The following ABCG2 variants were observed in gnomAD, a reference collection of about 807,000 sequenced individuals.
ABCG2 encodes the protein ATP binding cassette subfamily G member 2 (JR blood group), also known as broad substrate specificity ATP-binding cassette transporter ABCG2.
A neutral mutation model predicts 73.5 loss-of-function variants in ABCG2; 80 were observed. The ratio of observed to expected loss-of-function variants is 1.09; its 90% CI spans 0.91 to 1.31. The LOEUF (loss-of-function observed/expected upper bound fraction) is 1.31. ABCG2 is among the 50% of genes most tolerant of loss of function. The pLI, the probability that ABCG2 is intolerant of heterozygous loss-of-function variation, is 0.00. For synonymous variants in ABCG2, 269 were observed against 282.4 expected (o/e 0.95, Z 0.48); for missense variants, 796 against 786.2 (o/e 1.01, Z -0.15).
chr4:88,150,052 C>T (rs531953667), intron 1 of ABCG2, among the ~76,000 whole-genome samples: 39 of 149,940 alleles, frequency 2.6e-4, no homozygotes, highest in Non-Finnish European at 5.4e-4. Context: ...TGGTGGCTCA[C>T]GCCTGTAATC....
chr4:88,157,660 C>T (rs949939939), intron 1 of ABCG2, among the ~76,000 whole-genome samples: 1 of 152,120 alleles, frequency 6.6e-6, no homozygotes, highest in African/African-American at 2.4e-5. Flanking sequence ...GTCGTTGAAA[C>T]CTTTCTCATC....
intron 9 of ABCG2, among the ~76,000 whole-genome samples, chr4:88,108,068 C>T (rs757575438): frequency 1.3e-5 from 2 of 152,194 alleles, no homozygotes; most frequent in Non-Finnish European, 2.9e-5. Context: ...CAATTGATTT[C>T]TATAGCTCCT....
upstream of ABCG2, among the ~76,000 whole-genome samples, chr4:88,162,481 T>C (rs1727357478): frequency 6.6e-6 from 1 of 152,176 alleles, no homozygotes; most frequent in South Asian, 2.1e-4. Context: ...GTTTCATATT[T>C]ATAGGTCGGT....
chr4:88,170,860 T>A (rs567303994), intron 1 of ABCG2, among the ~76,000 whole-genome samples: 56 of 152,254 alleles, frequency 3.7e-4, no homozygotes, highest in African/African-American at 1.3e-3. Context: ...AATTAGCAGA[T>A]GGGATAAAGA....
chr4:88,179,979 CTT>C (rs1216633550), intron 1 of ABCG2, among the ~76,000 whole-genome samples: 1 of 151,932 alleles, frequency 6.6e-6, no homozygotes, highest in African/African-American at 2.4e-5. Flanking sequence ...AGTTATTGGC[CTT>C]AAAGAGGAGG....
At chr4:88,099,287 TA>T in intron 12 of ABCG2, 36 bp downstream of exon 12, 1 of 1,536,092 alleles carries the variant, frequency 6.5e-7, no homozygotes, top group South Asian at 1.3e-5. Context: ...TAGGCAAGAC[TA>T]AAGACATGTC....
intron 1 of ABCG2, among the ~76,000 whole-genome samples, chr4:88,222,222 C>T (rs768495157): frequency 7.9e-5 from 12 of 152,198 alleles, no homozygotes; most frequent in African/African-American, 2.7e-4. Context: ...GTCTGGGAAC[C>T]TCCGCCTACA....
chr4:88,179,555 C>T (rs923295870), intron 1 of ABCG2, among the ~76,000 whole-genome samples: 14 of 152,136 alleles, frequency 9.2e-5, no homozygotes, highest in Non-Finnish European at 1.8e-4. Flanking sequence ...ACTAAATGAA[C>T]TAAATAAGTC....
chr4:88,166,350 C>G (rs552760537), intron 1 of ABCG2, among the ~76,000 whole-genome samples: 1 of 152,308 alleles, frequency 6.6e-6, no homozygotes, highest in South Asian at 2.1e-4. Flanking sequence ...TGTCTTTCCA[C>G]AAAAGTATAT....
In ABCG2 at chr4:88,187,093, CAAAAAAAAAAAAAAAAA is replaced by C. The variant is rs61116461; in HGVS notation, c.-20+43884_-20+43900del. ...TGGGAGATAGAGCAAGATTCTGTCT[CAAAAAAAAAAAAAAAAA>C]AAAAAAAAAAAAGGTGGTTACCAGA... On this transcript the variant is annotated intron_variant, in intron 1 of 15. Coordinates refer to the ABCG2 transcript ENST00000515655. 4.8e-3 allele frequency among the ~76,000 whole-genome samples: 215 copies of C among 45,216 alleles called. 4 individuals carry two copies. The highest frequency in any genetic ancestry group is 3.4e-3 in the Non-Finnish European group (95 of 27,642). 29.7% of individuals were successfully genotyped at this position (45,216 alleles called of 152,430 possible).
chr4:88,125,606 T>A (rs1724340800), intron 5 of ABCG2, among the ~76,000 whole-genome samples: 1 of 22,648 alleles, frequency 4.4e-5, no homozygotes, highest in Non-Finnish European at 7.7e-5. Flanking sequence ...AGACTCTGTC[T>A]CAAAAAAAAA....
chr4:88,113,342 G>C lies in ABCG2; in HGVS notation c.1155C>G (p.Phe385Leu). Residue 385 changes from phenylalanine to leucine, a missense_variant, in exon 9 of 16, where the codon TTC (phenylalanine) becomes TTG (leucine). By Grantham distance (22) the Phe-to-Leu change is conservative (BLOSUM62 0). Coordinates refer to ENST00000237612, the MANE Select transcript of ABCG2 (RefSeq NM_004827.3). ...HQLRWVSKRS[F>L]KNLLGNPQAS... ...CCTGGGGATTACCCAGCAAGTTTTT[G>C]AATGAACGCTTGGAAACCCATCTGA... 6.2e-7 allele frequency: 1 copy of C among 1,614,182 alleles called. No homozygotes were observed. The highest frequency in any genetic ancestry group is 8.5e-7 in the Non-Finnish European group (1 of 1,180,032).
At chr4:88,133,132 G>C (rs951159425) in intron 2 of ABCG2, among the ~76,000 whole-genome samples, 1 of 152,182 alleles carries the variant, frequency 6.6e-6, no homozygotes, top group Non-Finnish European at 1.5e-5. Context: ...TCTTAACACA[G>C]TGTGAAACGA....
chr4:88,118,188 A>G lies in ABCG2; in HGVS notation c.762T>C (p.Asp254=), dbSNP rs776426268. 3 of 1,614,068 alleles carry G rather than the reference A, an allele frequency of 1.9e-6. No homozygotes were observed. The highest frequency in any genetic ancestry group is 2.5e-6 in the Non-Finnish European group (3 of 1,180,020). ...QPRYSIFKLF[D]SLTLLASGRL... Reference sequence around the variant, plus strand: ...TTCCTGAGGCCAATAAGGTGAGGCTATCAAACAACTTGAAGATGGAATATC... The same window carrying G: ...TTCCTGAGGCCAATAAGGTGAGGCTGTCAAACAACTTGAAGATGGAATATC... Residue 254 remains aspartate, a synonymous_variant, in exon 7 of 16, where the codon GAT becomes GAC. Transcript: ENST00000237612.
intron 1 of ABCG2, among the ~76,000 whole-genome samples, chr4:88,179,054 G>A (rs1309545467): frequency 2.0e-5 from 3 of 151,734 alleles, no homozygotes. Context: ...CAACATAGGT[G>A]GTAGACAGGC....
chr4:88,131,159 C>A lies in ABCG2; in HGVS notation c.433G>T (p.Ala145Ser). 6.2e-7 allele frequency: 1 copy of A among 1,614,060 alleles called. No individual in the cohort carries two copies. Reference sequence around the variant, plus strand: ...GTCATAGTTGTTGCAAGCCGAAGAGCTGCTGAGAACTGTAAGTTTTCTCTC... The same window carrying A: ...GTCATAGTTGTTGCAAGCCGAAGAGATGCTGAGAACTGTAAGTTTTCTCTC... ...TVRENLQFSA[A>S]LRLATTMTNH... is the part of the protein sequence containing the mutation. The change falls in exon 5 of 16, where the codon GCT (alanine) becomes TCT (serine). Residue 145 changes from alanine to serine, a missense_variant. By Grantham distance (99) the Ala-to-Ser change is moderately conservative. Transcript: ENST00000237612.
At chr4:88,230,911 C>T (rs10032109) in intron 1 of ABCG2, 22,209 of 152,098 alleles carry the variant, frequency 0.15, 1,834 homozygotes, top group Non-Finnish European at 0.19. Flanking sequence ...TTAAGTGACA[C>T]ATTTGTTAAA....
At chr4:88,113,990 T>G (rs868571400) in intron 8 of ABCG2, among the ~76,000 whole-genome samples, 1 of 150,858 alleles carries the variant, frequency 6.6e-6, no homozygotes, top group Admixed American at 6.6e-5. Context: ...AAATAAAAAA[T>G]TATTAGCTCT....
chr4:88,174,326 C>T (rs1177704827), intron 1 of ABCG2, among the ~76,000 whole-genome samples: 3 of 152,058 alleles, frequency 2.0e-5, no homozygotes, highest in South Asian at 2.1e-4. Context: ...CTCCTTGCTC[C>T]CTACTCCCCA....
Sources: allele counts gnomAD v4.1 joint callset (sites outside exome capture counted in the v4.1 genomes callset), GRCh38; gene constraint gnomAD v4.1.1; transcripts MANE v1.5; gene names NCBI Gene and HGNC (gene_info 2026-07-23, HGNC 2026-07-21).